DCUN1D1: variants seen among roughly 807,000 people sequenced by gnomAD.
DCUN1D1 encodes the protein defective in cullin neddylation 1 domain containing 1, also known as DCN1-like protein 1.
In DCUN1D1, 3 loss-of-function variants were observed where a neutral mutation model predicts 39.0. The ratio of observed to expected loss-of-function variants is 0.08; its 90% CI spans 0.04 to 0.20. The LOEUF is 0.20. DCUN1D1 is among the 10% of genes least tolerant of loss of function. The pLI is 1.00. For synonymous variants in DCUN1D1, 82 were observed against 96.3 expected (o/e 0.85, Z 0.87); for missense variants, 158 against 302.4 (o/e 0.52, Z 3.54).
chr3:182,975,595 G>A (rs1019353489), intron 1 of DCUN1D1, among the ~76,000 whole-genome samples: 3 of 151,070 alleles, frequency 2.0e-5, no homozygotes, highest in Non-Finnish European at 4.4e-5. Context: ...AAACAACTAG[G>A]TCACTATTAT....
In DCUN1D1 at chr3:182,961,125, G is replaced by T; in HGVS notation, c.520+101C>A. On this transcript the variant is annotated intron_variant, in intron 4 of 6. Transcript: ENST00000292782. ...ACTTTTCAATAACTGGTATTTTCATGACTTTATGCTCAAAACACATAACTT... is the reference window on the plus strand; with the variant it reads ...ACTTTTCAATAACTGGTATTTTCATTACTTTATGCTCAAAACACATAACTT... 5.8e-6 allele frequency: 5 copies of T among 866,000 alleles called. No individual in the cohort carries two copies. In the South Asian group the frequency reaches 7.8e-5, roughly 14 times the overall value. 53.6% of individuals were successfully genotyped at this position (866,000 alleles called of 1,614,324 possible).
chr3:182,953,089 C>T (rs1374091637), intron 4 of DCUN1D1, among the ~76,000 whole-genome samples: 1 of 152,140 alleles, frequency 6.6e-6, no homozygotes, highest in African/African-American at 2.4e-5. Flanking sequence ...ACATGCTAAC[C>T]CCTCAACCTG....
At chr3:182,980,039 G>A (rs546331838) in intron 1 of DCUN1D1, 7 of 409,086 alleles carry the variant, frequency 1.7e-5, no homozygotes, top group African/African-American at 4.3e-5. Flanking sequence ...GGGCGGAGAG[G>A]GAAGCCCCGG....
At chr3:182,951,487 A>C (rs566648218) in intron 4 of DCUN1D1, among the ~76,000 whole-genome samples, 1 of 151,672 alleles carries the variant, frequency 6.6e-6, no homozygotes, top group Non-Finnish European at 1.5e-5. Context: ...ATGGTTGTAC[A>C]TGCCTGTAGT....
At chr3:182,985,195 A>G (rs1728686385), upstream of DCUN1D1, among the ~76,000 whole-genome samples, 1 of 152,194 alleles carries the variant, frequency 6.6e-6, no homozygotes, top group African/African-American at 2.4e-5. Flanking sequence ...CAGGAAGCCT[A>G]ACATGAAAGC....
chr3:182,947,010 G>A (rs899867564), intron 6 of DCUN1D1, among the ~76,000 whole-genome samples: 1 of 152,120 alleles, frequency 6.6e-6, no homozygotes, highest in Admixed American at 6.5e-5. Context: ...GCTGAGGCAG[G>A]AGGACTGCTG....
In DCUN1D1 at chr3:182,951,617, CAAAAAA is replaced by C. The variant is rs748698621; in HGVS notation, c.521-3991_521-3986del. ...GGTGACAGAGAGAGACCCTGTCTCC[CAAAAAA>C]AAAAAAAAAAAAAAAAAAAAAAACC... On this transcript the variant is annotated intron_variant, in intron 4 of 6. Coordinates refer to ENST00000292782, the MANE Select transcript of DCUN1D1 (RefSeq NM_020640.4). Among the ~76,000 whole-genome samples, 387 of 44,360 alleles carry C rather than the reference CAAAAAA, an allele frequency of 8.7e-3. 3 individuals are homozygous for C. The highest frequency in any genetic ancestry group is 0.03 in the African/African-American group (371 of 12,270). 29.1% of individuals were successfully genotyped at this position (44,360 alleles called of 152,430 possible).
intron 4 of DCUN1D1, among the ~76,000 whole-genome samples, chr3:182,957,524 G>T (rs1393770376): frequency 3.3e-5 from 5 of 152,082 alleles, no homozygotes; most frequent in Middle Eastern, 3.2e-3. Flanking sequence ...TACTCCGGAG[G>T]CAGAGGCAGG....
Position 182,961,320 on chromosome 3 carries a change from G to C in DCUN1D1, c.426C>G (p.Pro142=). 1.2e-6 allele frequency: 2 copies of C among 1,604,546 alleles called. No homozygotes were observed. Among genetic ancestry groups the C allele is most frequent in the Non-Finnish European group, 1.7e-6 (2 of 1,175,672 alleles). ...GTTCTTTCAATTCTTGTTCCATCTTGGGTATCTGGGCCTTTAGTTTTTCTA... is the reference window on the plus strand; with the variant it reads ...GTTCTTTCAATTCTTGTTCCATCTTCGGTATCTGGGCCTTTAGTTTTTCTA... ...DSIEKLKAQI[P]KMEQELKEPG... is the part of the protein sequence containing the mutation. The change falls in exon 4 of 7, where the codon CCC becomes CCG. Residue 142 remains proline, a synonymous_variant. Transcript: ENST00000292782.
intron 4 of DCUN1D1, among the ~76,000 whole-genome samples, chr3:182,957,358 G>A (rs1727126258): frequency 1.3e-5 from 2 of 152,214 alleles, no homozygotes; most frequent in African/African-American, 4.8e-5. Context: ...TGGGTGTGGT[G>A]GCTCATGCCT....
At chr3:182,961,043 G>A (rs116219735) in intron 4 of DCUN1D1, among the ~76,000 whole-genome samples, 183 bp downstream of exon 4, 386 of 151,972 alleles carry the variant, frequency 2.5e-3, no homozygotes, top group African/African-American at 9.1e-3. Flanking sequence ...TAGTACCCAG[G>A]GTAAACTTAC....
At chr3:182,984,624 A>G (rs2108415750), upstream of DCUN1D1, among the ~76,000 whole-genome samples, 1 of 151,638 alleles carries the variant, frequency 6.6e-6, no homozygotes, top group South Asian at 2.1e-4. Flanking sequence ...ATACACACAC[A>G]CTCCCTCTCA....
intron 3 of DCUN1D1, among the ~76,000 whole-genome samples, chr3:182,961,686 A>G (rs1309764667): frequency 6.6e-6 from 1 of 152,236 alleles, no homozygotes; most frequent in Non-Finnish European, 1.5e-5. Context: ...TAATCAGCAT[A>G]ACAATCATTT....
chr3:182,965,571 C>T lies in DCUN1D1; in HGVS notation c.186G>A (p.Arg62=). 1 of 1,613,694 alleles carries T rather than the reference C, an allele frequency of 6.2e-7. No homozygotes were observed. The highest frequency in any genetic ancestry group is 8.5e-7 in the Non-Finnish European group (1 of 1,179,720). The change falls in exon 2 of 7, where the codon AGG becomes AGA. Residue 62 remains arginine (R), a synonymous_variant. Coordinates refer to ENST00000292782, the MANE Select transcript of DCUN1D1 (RefSeq NM_020640.4). ...TATTGTACAGCTGTTCTAACTTCTTCCTGTCCAATGATCCTTTTACACTCT... is the reference window on the plus strand; with the variant it reads ...TATTGTACAGCTGTTCTAACTTCTTTCTGTCCAATGATCCTTTTACACTCT... ...IRESVKGSLD[R]KKLEQLYNRY...
chr3:182,970,356 A>G (rs1190540601), intron 1 of DCUN1D1, among the ~76,000 whole-genome samples: 1 of 152,242 alleles, frequency 6.6e-6, no homozygotes, highest in Non-Finnish European at 1.5e-5. Flanking sequence ...AAGCCTTCCC[A>G]TTAAAAGTAT....
rs1047160479 is a variant in DCUN1D1 at position 182,954,510 on chromosome 3, G to A, written c.520+6716C>T. Among the ~76,000 whole-genome samples the A allele has an allele frequency of 6.6e-5, 10 of 152,114 alleles. No homozygotes were observed. In the East Asian group the frequency reaches 7.7e-4, roughly 12 times the overall value. ...AGCCTTGCTGGGATCTTCTGATGCC[G>A]GCAGTTTCTTCACCTGGCTGTATAA... On this transcript the variant is annotated intron_variant, in intron 4 of 6. Transcript: ENST00000292782.
Position 182,938,228 on chromosome 3 carries a change from T to A in DCUN1D1, c.*6866A>T, listed in dbSNP as rs1017799651. On this transcript the variant is annotated 3_prime_UTR_variant, in exon 7 of 7. Transcript: ENST00000292782. Reference sequence around the variant, plus strand: ...TTTGAAATTGCATAGAAATTTAAAGTGCTAAAGCAATCATTGTTTTTTCAA... The same window carrying A: ...TTTGAAATTGCATAGAAATTTAAAGAGCTAAAGCAATCATTGTTTTTTCAA... 6.6e-6 allele frequency: 1 copy of A among 152,172 alleles called. No homozygotes were observed. Among genetic ancestry groups the A allele is most frequent in the Non-Finnish European group, 1.5e-5 (1 of 68,038 alleles). The allele number at this position is 152,172 out of a possible 1,614,324, so 9.4% of individuals were successfully genotyped here.
At chr3:182,947,908 G>A (rs1389843655) in intron 4 of DCUN1D1, among the ~76,000 whole-genome samples, 1 of 152,190 alleles carries the variant, frequency 6.6e-6, no homozygotes, top group Non-Finnish European at 1.5e-5. Context: ...GTTAAACATA[G>A]TAGCTCACAA....
chr3:182,967,627 T>A (rs1186659644), intron 1 of DCUN1D1, among the ~76,000 whole-genome samples: 6 of 152,188 alleles, frequency 3.9e-5, no homozygotes, highest in Non-Finnish European at 8.8e-5. Flanking sequence ...AACTATAAAT[T>A]CACTACTCTT....
Sources: allele counts gnomAD v4.1 joint callset (sites outside exome capture counted in the v4.1 genomes callset), GRCh38; gene constraint gnomAD v4.1.1; transcripts MANE v1.5; gene names NCBI Gene and HGNC (gene_info 2026-07-23, HGNC 2026-07-21).